The following ABLIM1 variants were observed in gnomAD, a reference collection of about 807,000 sequenced individuals.
The protein encoded by ABLIM1 is actin binding LIM protein 1.
A neutral mutation model predicts 107.0 loss-of-function variants in ABLIM1; 40 were observed. The ratio of observed to expected loss-of-function variants is 0.37; its 90% CI spans 0.29 to 0.49. The LOEUF (loss-of-function observed/expected upper bound fraction) is 0.49. Ranked by LOEUF, ABLIM1 falls within the 20% of genes least tolerant of loss-of-function variation. The probability of loss-of-function intolerance (pLI) is 0.97; values close to 1 mark genes in which losing one functional copy is unlikely to be tolerated. For synonymous variants in ABLIM1, 357 were observed against 357.3 expected, an observed-to-expected ratio of 1.00 and a Z score of 0.01; for missense variants, 857 against 1,008.5, an observed-to-expected ratio of 0.85 and a Z score of 2.04.
Position 114,434,280 on chromosome 10 carries a change from A to AAC in ABLIM1, c.*1978_*1979dup, listed in dbSNP as rs58418721. Reference sequence around the variant, plus strand: ...ATTTGCTAAACATGTTAGTAGATCCAACACACACACACACACACACACACA... The same window carrying AAC: ...ATTTGCTAAACATGTTAGTAGATCCAACACACACACACACACACACACACACA... On this transcript the variant is annotated 3_prime_UTR_variant, in exon 23 of 23. Transcript: ENST00000533213. 0.14 allele frequency: 19,077 copies of AAC among 138,558 alleles called. 1,478 individuals carry two copies. Among genetic ancestry groups the AAC allele is most frequent in the South Asian group, 0.18 (725 of 3,968 alleles). The allele number at this position is 138,558 out of a possible 1,614,324, so 8.6% of individuals were successfully genotyped here.
exon 1 of ABLIM1, chr10:114,684,862 T>A: frequency 2.6e-6 from 1 of 380,962 alleles, no homozygotes; most frequent in Non-Finnish European, 3.6e-6. Flanking sequence ...AATGAATTAC[T>A]ATCTCAACCA....
At chr10:114,765,172 G>A (rs963219696) in intron 1 of ABLIM1, among the ~76,000 whole-genome samples, 4 of 151,724 alleles carry the variant, frequency 2.6e-5, no homozygotes, top group South Asian at 2.1e-4. Context: ...TCAGTCTCTC[G>A]AGTAGCTGGG....
intron 1 of ABLIM1, among the ~76,000 whole-genome samples, chr10:114,621,040 T>C (rs1450823387): frequency 1.3e-5 from 2 of 152,180 alleles, no homozygotes; most frequent in African/African-American, 4.8e-5. Context: ...CATTGCTGTA[T>C]GATGTGGCCA....
At chr10:114,594,975 A>G (rs2075273538) in intron 2 of ABLIM1, 1 of 152,162 alleles carries the variant, frequency 6.6e-6, no homozygotes, top group Admixed American at 6.5e-5. Flanking sequence ...ATGCAAAAGA[A>G]AAAAGATAAG....
chr10:114,780,268 T>C, the ABLIM1 span, among the ~76,000 whole-genome samples: 17 of 152,168 alleles, frequency 1.1e-4, no homozygotes, highest in Non-Finnish European at 1.3e-4. Flanking sequence ...AAGGTGAAAC[T>C]TTCTGTGGGA....
intron 8 of ABLIM1, among the ~76,000 whole-genome samples, chr10:114,474,539 C>T (rs980876151): frequency 1.3e-5 from 2 of 152,088 alleles, no homozygotes; most frequent in Non-Finnish European, 2.9e-5. Flanking sequence ...TGCCACCATG[C>T]CCGGCTAATT....
In ABLIM1 at chr10:114,601,826, C is replaced by A; in HGVS notation, c.379+1G>T. ...GAGCCACGAAGCTGGAGGCACCATA[C>A]CTTTGCAGGTGAAACACTTGATGTG... On this transcript the variant is annotated splice_donor_variant, in intron 2 of 22. Transcript: ENST00000533213. LOFTEE classifies it high-confidence loss of function. 1.2e-6 allele frequency: 2 copies of A among 1,614,188 alleles called. No homozygotes were observed. The highest frequency in any genetic ancestry group is 8.5e-7 in the Non-Finnish European group (1 of 1,180,036).
intron 1 of ABLIM1, among the ~76,000 whole-genome samples, chr10:114,665,905 C>T (rs187292229): frequency 2.4e-3 from 370 of 152,318 alleles, no homozygotes; most frequent in African/African-American, 8.5e-3. Flanking sequence ...AATCCCAGGC[C>T]TTAATAGGAA....
At chr10:114,781,284 G>A in the ABLIM1 span, among the ~76,000 whole-genome samples, 4 of 152,048 alleles carry the variant, frequency 2.6e-5, no homozygotes, top group Admixed American at 1.3e-4. Flanking sequence ...TGGGCATATC[G>A]CTTAAGCTCA....
At chr10:114,621,561 C>A (rs1351310440) in intron 1 of ABLIM1, among the ~76,000 whole-genome samples, 1 of 152,162 alleles carries the variant, frequency 6.6e-6, no homozygotes, top group Non-Finnish European at 1.5e-5. Flanking sequence ...CTACAGAACT[C>A]CTCAAATACC....
chr10:114,640,289 G>A (rs2078679820), intron 1 of ABLIM1, among the ~76,000 whole-genome samples: 1 of 152,220 alleles, frequency 6.6e-6, no homozygotes, highest in Non-Finnish European at 1.5e-5. Flanking sequence ...CACTTTGGGA[G>A]GCCGAGGTGG....
chr10:114,789,290 T>C, the ABLIM1 span, among the ~76,000 whole-genome samples: 1 of 151,894 alleles, frequency 6.6e-6, no homozygotes, highest in African/African-American at 2.4e-5. Context: ...AAGAAAAAAA[T>C]GCAGATAATG....
At chr10:114,756,661 T>C (rs1316391735) in intron 1 of ABLIM1, among the ~76,000 whole-genome samples, 8 of 152,250 alleles carry the variant, frequency 5.3e-5, no homozygotes, top group Admixed American at 4.6e-4. Flanking sequence ...ATGTTTAATA[T>C]ATTTAATTAC....
At chr10:114,604,051 T>A (rs1367210393) in intron 1 of ABLIM1, among the ~76,000 whole-genome samples, 2 of 151,872 alleles carry the variant, frequency 1.3e-5, no homozygotes, top group Non-Finnish European at 1.5e-5. Flanking sequence ...AGAAGACAAG[T>A]GGTATTTATT....
At chr10:114,756,348 C>A (rs1003510104) in intron 1 of ABLIM1, among the ~76,000 whole-genome samples, 24 of 152,086 alleles carry the variant, frequency 1.6e-4, no homozygotes, top group African/African-American at 5.8e-4. Context: ...TCTGATAGGG[C>A]TAATCTCCCT....
upstream of ABLIM1, among the ~76,000 whole-genome samples, chr10:114,687,519 T>G (rs2080970475): frequency 6.6e-6 from 1 of 152,238 alleles, no homozygotes; most frequent in South Asian, 2.1e-4. Context: ...AATTAAGGTA[T>G]GACCGATAGT....
At chr10:114,717,643 A>G (rs2081701569) in intron 1 of ABLIM1, among the ~76,000 whole-genome samples, 1 of 152,140 alleles carries the variant, frequency 6.6e-6, no homozygotes, top group Admixed American at 6.5e-5. Context: ...AGCAGGGCAC[A>G]GTGGCTCATG....
chr10:114,760,453 C>G (rs2082722660), intron 1 of ABLIM1, among the ~76,000 whole-genome samples: 1 of 138,868 alleles, frequency 7.2e-6, no homozygotes, highest in Admixed American at 7.2e-5. Context: ...CACACACACA[C>G]TGACTTAGTG....
intron 6 of ABLIM1, among the ~76,000 whole-genome samples, chr10:114,518,596 C>T (rs573645032): frequency 6.6e-6 from 1 of 151,940 alleles, no homozygotes; most frequent in South Asian, 2.1e-4. Context: ...ACCTGGCCCA[C>T]TACCTGTTTT....
Sources: gnomAD v4.1 joint callset for allele counts (sites outside exome capture counted in the v4.1 genomes callset) on GRCh38, gnomAD v4.1.1 for gene constraint, MANE v1.5 for transcripts, NCBI Gene and HGNC (gene_info 2026-07-23, HGNC 2026-07-21) for gene names.